Variants in PDE11A observed in about 807,000 individuals in gnomAD.
The protein encoded by PDE11A is dual 3',5'-cyclic-AMP and -GMP phosphodiesterase 11A.
Under a neutral mutation model 100.5 loss-of-function variants are expected in PDE11A, and 100 were observed. That is an observed-to-expected ratio of 1.00 (90% CI 0.85 to 1.18). The LOEUF is 1.18. Among genes scored for constraint, PDE11A ranks in the 50% most tolerant of loss-of-function variants. The pLI is 0.00. For missense variants in PDE11A, 1,141 were observed against 1,152.6 expected (o/e 0.99, Z 0.15); for synonymous variants, 381 against 420.8 (o/e 0.91, Z 1.16).
Position 178,037,001 on chromosome 2 carries a change from CA to C in PDE11A, c.913-22542del, listed in dbSNP as rs1476399840. Among the ~76,000 whole-genome samples, 10 of 152,128 alleles carry C rather than the reference CA, an allele frequency of 6.6e-5. No individual in the cohort carries two copies. The East Asian group carries it at 1.7e-3, about 26-fold the overall frequency. On this transcript the variant is annotated intron_variant, in intron 1 of 19. Coordinates refer to ENST00000286063, the MANE Select transcript of PDE11A (RefSeq NM_016953.4). ...ACTAAAACACCAAAAGCAATTGCAACAAAAGCCAAAATTGACAAATGAGATC... is the reference window on the plus strand; with the variant it reads ...ACTAAAACACCAAAAGCAATTGCAACAAAGCCAAAATTGACAAATGAGATC...
intron 5 of PDE11A, among the ~76,000 whole-genome samples, chr2:177,874,267 A>G (rs768300234): frequency 1.3e-5 from 2 of 152,148 alleles, no homozygotes; most frequent in African/African-American, 2.4e-5. Flanking sequence ...ACATGGGGGG[A>G]ATGCCTACTT....
At chr2:177,651,205 G>A (rs1230764783) in intron 19 of PDE11A, among the ~76,000 whole-genome samples, 1 of 152,198 alleles carries the variant, frequency 6.6e-6, no homozygotes, top group Non-Finnish European at 1.5e-5. Context: ...ACATCTTTGT[G>A]AGACAGGAAG....
chr2:177,789,744 A>G (rs1165198398), intron 9 of PDE11A, among the ~76,000 whole-genome samples: 1 of 152,120 alleles, frequency 6.6e-6, no homozygotes, highest in African/African-American at 2.4e-5. Flanking sequence ...ATACACCAAT[A>G]ACAGACAAAC....
At chr2:178,095,210 A>G (rs2087472324) in intron 2 of PDE11A, among the ~76,000 whole-genome samples, 1 of 152,202 alleles carries the variant, frequency 6.6e-6, no homozygotes, top group Non-Finnish European at 1.5e-5. Context: ...TGAGCCTGTA[A>G]AATCTAAAGC....
intron 2 of PDE11A, among the ~76,000 whole-genome samples, chr2:178,004,109 G>T (rs1314598202): frequency 6.6e-6 from 1 of 152,046 alleles, no homozygotes; most frequent in Non-Finnish European, 1.5e-5. Context: ...ATATTTATTT[G>T]TAGGTAAAAA....
At chr2:177,908,244 T>G (rs760641276) in intron 2 of PDE11A, among the ~76,000 whole-genome samples, 1 of 152,188 alleles carries the variant, frequency 6.6e-6, no homozygotes, top group Non-Finnish European at 1.5e-5. Flanking sequence ...GTATGAGCAG[T>G]CACAGGAGAC....
intron 3 of PDE11A, among the ~76,000 whole-genome samples, chr2:177,901,351 C>G (rs772323500): frequency 6.6e-6 from 1 of 152,128 alleles, no homozygotes; most frequent in Non-Finnish European, 1.5e-5. Context: ...CTGGCCTTCC[C>G]CCACCCACCA....
intron 2 of PDE11A, among the ~76,000 whole-genome samples, chr2:177,952,863 G>T (rs1361089618): frequency 1.3e-5 from 2 of 152,040 alleles, no homozygotes; most frequent in Non-Finnish European, 2.9e-5. Flanking sequence ...GTGATTCCCT[G>T]ACAGGCAATT....
intron 15 of PDE11A, among the ~76,000 whole-genome samples, 161 bp from the exon 16 acceptor site, chr2:177,681,064 TCA>T (rs2080855045): frequency 6.6e-6 from 1 of 152,168 alleles, no homozygotes; most frequent in Non-Finnish European, 1.5e-5. Flanking sequence ...TCAAAATAAA[TCA>T]CTTTCTAAAA....
chr2:177,643,234 A>G (rs1379090379), intron 19 of PDE11A, among the ~76,000 whole-genome samples: 1 of 152,212 alleles, frequency 6.6e-6, no homozygotes, highest in African/African-American at 2.4e-5. Flanking sequence ...GCTCAGAAGA[A>G]GATAGGAAAA....
At chr2:178,066,683 AG>A (rs1439639117) in intron 1 of PDE11A, among the ~76,000 whole-genome samples, 1 of 152,186 alleles carries the variant, frequency 6.6e-6, no homozygotes, top group Non-Finnish European at 1.5e-5. Flanking sequence ...GGAGAAGGGC[AG>A]GTGCATGCCC....
intron 1 of PDE11A, among the ~76,000 whole-genome samples, chr2:178,037,212 G>T (rs2086625201): frequency 6.6e-6 from 1 of 152,158 alleles, no homozygotes; most frequent in Non-Finnish European, 1.5e-5. Context: ...AGTGGGCAAA[G>T]GCTATGAACA....
chr2:178,009,027 T>C (rs17635957), intron 2 of PDE11A, among the ~76,000 whole-genome samples: 8,464 of 152,292 alleles, frequency 0.056, 296 homozygotes, highest in South Asian at 0.092. Flanking sequence ...TGGAACACTG[T>C]AATATGAAAT....
intron 2 of PDE11A, among the ~76,000 whole-genome samples, chr2:177,920,353 A>T (rs574657444): frequency 6.6e-6 from 1 of 152,254 alleles, no homozygotes; most frequent in Non-Finnish European, 1.5e-5. Flanking sequence ...TACCTCAAAA[A>T]TGGTCAAAAG....
chr2:177,762,225 A>T (rs2082180222), intron 10 of PDE11A, among the ~76,000 whole-genome samples: 1 of 152,136 alleles, frequency 6.6e-6, no homozygotes, highest in Non-Finnish European at 1.5e-5. Flanking sequence ...ATTGAGGGCT[A>T]CAGAAGCCCA....
chr2:178,048,255 T>G (rs1448148019), intron 1 of PDE11A, among the ~76,000 whole-genome samples: 1 of 151,488 alleles, frequency 6.6e-6, no homozygotes, highest in African/African-American at 2.4e-5. Context: ...AAGGAAGGAA[T>G]CAAAGGTAAC....
intron 10 of PDE11A, among the ~76,000 whole-genome samples, chr2:177,762,674 A>G (rs2082185357): frequency 6.6e-6 from 1 of 152,060 alleles, no homozygotes. Context: ...CTGTGCTAAC[A>G]TGGGGGAGGG....
intron 10 of PDE11A, among the ~76,000 whole-genome samples, chr2:177,751,635 T>C (rs1200195963): frequency 6.6e-6 from 1 of 152,202 alleles, no homozygotes; most frequent in East Asian, 1.9e-4. Context: ...TCTGAGATTT[T>C]CTAGAGTTTT....
At chr2:177,845,888 C>T (rs1050724651) in intron 5 of PDE11A, among the ~76,000 whole-genome samples, 4 of 151,696 alleles carry the variant, frequency 2.6e-5, no homozygotes, top group East Asian at 1.9e-4. Flanking sequence ...GGCGTGGCGG[C>T]GCGTGCCTGC....
Sources: gnomAD v4.1 joint callset for allele counts (sites outside exome capture counted in the v4.1 genomes callset) on GRCh38, gnomAD v4.1.1 for gene constraint, MANE v1.5 for transcripts, NCBI Gene and HGNC (gene_info 2026-07-23, HGNC 2026-07-21) for gene names.